Variants in KCNN2 observed in about 807,000 individuals in gnomAD.
KCNN2 encodes the protein potassium calcium-activated channel subfamily N member 2.
Under a neutral mutation model 55.5 loss-of-function variants are expected in KCNN2, and 24 were observed. The ratio of observed to expected loss-of-function variants is 0.43; its 90% CI spans 0.31 to 0.61. KCNN2 has a LOEUF of 0.61. KCNN2 is among the 20% of genes least tolerant of loss of function. KCNN2 has a pLI of 0.08. For synonymous variants in KCNN2, 431 were observed against 336.1 expected, an observed-to-expected ratio of 1.28 and a Z score of -3.09; for missense variants, 754 against 853.6, an observed-to-expected ratio of 0.88 and a Z score of 1.45.
At chr5:114,167,795 C>T (rs1490032376) in intron 1 of KCNN2, among the ~76,000 whole-genome samples, 3 of 152,092 alleles carry the variant, frequency 2.0e-5, no homozygotes, top group East Asian at 1.9e-4. Flanking sequence ...GAATATTTAA[C>T]CCCAAAAGTT....
chr5:114,313,289 G>A (rs905278004), intron 2 of KCNN2, among the ~76,000 whole-genome samples: 2 of 151,994 alleles, frequency 1.3e-5, no homozygotes, highest in East Asian at 1.9e-4. Context: ...TTAACTTCAA[G>A]GAACATTTAA....
chr5:114,383,177 G>C (rs1458127069), intron 2 of KCNN2, among the ~76,000 whole-genome samples: 1 of 152,022 alleles, frequency 6.6e-6, no homozygotes, highest in African/African-American at 2.4e-5. Context: ...TTACCTGAAG[G>C]GTTTGCATAA....
chr5:114,117,799 A>C (rs1026209870), intron 1 of KCNN2, among the ~76,000 whole-genome samples: 1 of 152,190 alleles, frequency 6.6e-6, no homozygotes, highest in African/African-American at 2.4e-5. Context: ...ACTGTGCCAC[A>C]TGTTTGACAT....
Position 114,373,665 on chromosome 5 carries a change from C to T in KCNN2, c.1218+9664C>T, listed in dbSNP as rs1483438778. ...TTATATATATATATATATAAAATTACTTGGAACACTGCCTGGCATGTGGTA... is the reference window on the plus strand; with the variant it reads ...TTATATATATATATATATAAAATTATTTGGAACACTGCCTGGCATGTGGTA... On this transcript the variant is annotated intron_variant, in intron 2 of 7. Coordinates refer to ENST00000673685, the MANE Select transcript of KCNN2 (RefSeq NM_021614.4). Among the ~76,000 whole-genome samples, 9 of 53,524 alleles carry T rather than the reference C, an allele frequency of 1.7e-4. 1 individual carries two copies. The East Asian group carries it at 0.014, about 85-fold the overall frequency. 35.1% of individuals were successfully genotyped at this position (53,524 alleles called of 152,430 possible). A position where few individuals can be genotyped will look rare whatever the true frequency, so the allele number is the denominator to read the frequency against.
At chr5:114,117,164 T>A (rs1040247931) in intron 1 of KCNN2, among the ~76,000 whole-genome samples, 4 of 152,192 alleles carry the variant, frequency 2.6e-5, no homozygotes, top group Non-Finnish European at 5.9e-5. Flanking sequence ...CGCCCAAGCT[T>A]GCTTATGAAT....
chr5:114,228,037 A>C (rs1269259297), intron 2 of KCNN2, among the ~76,000 whole-genome samples: 3 of 151,802 alleles, frequency 2.0e-5, no homozygotes, highest in Non-Finnish European at 2.9e-5. Flanking sequence ...TGATGAAAGA[A>C]GAAGGAGATG....
chr5:114,208,420 A>G (rs1340063743), intron 1 of KCNN2, among the ~76,000 whole-genome samples: 1 of 152,146 alleles, frequency 6.6e-6, no homozygotes, highest in Non-Finnish European at 1.5e-5. Context: ...CCTCCACTCT[A>G]TGCTAATGCT....
chr5:114,062,294 C>T (rs1031059702), intron 1 of KCNN2, among the ~76,000 whole-genome samples: 1 of 152,096 alleles, frequency 6.6e-6, no homozygotes, highest in African/African-American at 2.4e-5. Flanking sequence ...GGCAGGGCAG[C>T]GCAAAGACCT....
intron 3 of KCNN2, among the ~76,000 whole-genome samples, chr5:114,440,845 T>C (rs1451362738): frequency 6.6e-6 from 1 of 152,122 alleles, no homozygotes; most frequent in Non-Finnish European, 1.5e-5. Context: ...AGGGAATTAT[T>C]AATAGAAATT....
At chr5:114,179,356 G>T (rs1448388138) in intron 1 of KCNN2, among the ~76,000 whole-genome samples, 2 of 152,158 alleles carry the variant, frequency 1.3e-5, no homozygotes, top group African/African-American at 2.4e-5. Context: ...GTGCTTCTCC[G>T]TAGGGCTGAT....
chr5:114,070,621 C>G (rs766024582), intron 1 of KCNN2, among the ~76,000 whole-genome samples: 4 of 152,132 alleles, frequency 2.6e-5, no homozygotes, highest in Non-Finnish European at 4.4e-5. Context: ...TGCCAGTGCC[C>G]TCAGTGATTA....
intron 2 of KCNN2, among the ~76,000 whole-genome samples, chr5:114,287,288 G>T (rs1755774241): frequency 6.6e-6 from 1 of 152,104 alleles, no homozygotes; most frequent in Admixed American, 6.5e-5. Flanking sequence ...CTACTATAAA[G>T]ACACATGCAC....
At chr5:114,346,713 T>C (rs1757109348) in intron 2 of KCNN2, among the ~76,000 whole-genome samples, 1 of 148,304 alleles carries the variant, frequency 6.7e-6, no homozygotes, top group African/African-American at 2.5e-5. Flanking sequence ...AAAAATGACA[T>C]GGCAGTAACA....
intron 2 of KCNN2, among the ~76,000 whole-genome samples, chr5:114,387,877 G>A (rs1435284833): frequency 6.6e-6 from 1 of 152,120 alleles, no homozygotes; most frequent in Non-Finnish European, 1.5e-5. Flanking sequence ...CTCCCACTCA[G>A]ATATTATTTA....
At chr5:114,188,320 C>T (rs1753380915) in intron 1 of KCNN2, among the ~76,000 whole-genome samples, 1 of 152,100 alleles carries the variant, frequency 6.6e-6, no homozygotes, top group South Asian at 2.1e-4. Context: ...TCACTAGACA[C>T]CTAGAGAGAT....
chr5:114,239,970 A>G (rs939304893), intron 2 of KCNN2, among the ~76,000 whole-genome samples: 43 of 152,338 alleles, frequency 2.8e-4, no homozygotes, highest in Middle Eastern at 3.4e-3. Flanking sequence ...GGTAATTCGT[A>G]TATTATTGAA....
Position 114,288,497 on chromosome 5 carries a change from T to TAC in KCNN2, c.-185+66933_-185+66934insCA, listed in dbSNP as rs371769820. The stretch of plus-strand genomic sequence containing the variant: ...TCTTTGCCATTACTTTATATATATA[T>TAC]ATACACACACACACACACACACACA... On this transcript the variant is annotated intron_variant, in intron 2 of 10. Transcript: ENST00000512097. 5.2e-3 allele frequency among the ~76,000 whole-genome samples: 669 copies of TAC among 128,826 alleles called. 5 individuals carry two copies. Among genetic ancestry groups the TAC allele is most frequent in the East Asian group, 0.014 (56 of 4,142 alleles). The allele number at this position is 128,826 out of a possible 152,430, so 84.5% of individuals were successfully genotyped here.
rs185522110 is a variant in KCNN2 at position 114,473,125 on chromosome 5, C to T, written c.1851C>T (p.His617=). The change falls in exon 5 of 8, where the codon CAC becomes CAT. Residue 617 remains histidine, a synonymous_variant. Transcript: ENST00000673685. ...RKLELTKAEK[H]VHNFMMDTQL... ...TAGAACTTACCAAAGCAGAAAAACA[C>T]GTGCACAATTTCATGATGGATACTC... is the stretch of plus-strand genomic sequence containing the variant. 51 of 1,611,384 alleles carry T rather than the reference C, an allele frequency of 3.2e-5. No homozygotes were observed. In the South Asian group the frequency reaches 4.9e-4, roughly 15 times the overall value.
At chr5:114,136,668 G>A (rs965859095) in intron 1 of KCNN2, among the ~76,000 whole-genome samples, 46 of 152,044 alleles carry the variant, frequency 3.0e-4, no homozygotes, top group Non-Finnish European at 2.1e-4. Flanking sequence ...AACAGAAATG[G>A]CATGAAATTG....
Sources: allele counts gnomAD v4.1 joint callset (sites outside exome capture counted in the v4.1 genomes callset), GRCh38; gene constraint gnomAD v4.1.1; transcripts MANE v1.5; gene names NCBI Gene and HGNC (gene_info 2026-07-23, HGNC 2026-07-21).